Variants in ADAM22 observed in about 807,000 individuals in gnomAD.
The protein encoded by ADAM22 is ADAM metallopeptidase domain 22.
ADAM22 carries 65 observed loss-of-function variants against 144.6 expected under a neutral mutation model. The ratio of observed to expected loss-of-function variants is 0.45; its 90% confidence interval spans 0.37 to 0.55. ADAM22 has a LOEUF of 0.55. Ranked by LOEUF, ADAM22 falls within the 20% of genes least tolerant of loss-of-function variation. The pLI is 0.00. For missense variants in ADAM22, 974 were observed against 1,184.9 expected, an observed-to-expected ratio of 0.82 and a Z score of 2.61; for synonymous variants, 391 against 412.6, an observed-to-expected ratio of 0.95 and a Z score of 0.63.
rs533667651 is a variant in ADAM22, at chr7:88,131,352, A to G, written c.909A>G (p.Glu303=). The G allele has an allele frequency of 1.2e-6, 2 of 1,613,902 alleles. No individual in the cohort carries two copies. The highest frequency in any genetic ancestry group is 2.2e-5 in the East Asian group (1 of 44,848). The stretch of plus-strand genomic sequence containing the variant: ...CTGACAACAAGTTTGCCATATCTGA[A>G]AATCCATTGATCACCCTACGTGAGT... ...WATDNKFAIS[E]NPLITLREFM... The change falls in exon 11 of 32, where the codon GAA becomes GAG. Residue 303 remains glutamate, a synonymous_variant. Coordinates refer to ENST00000413139, the MANE Select transcript of ADAM22 (RefSeq NM_001324418.2).
intron 3 of ADAM22, among the ~76,000 whole-genome samples, chr7:88,073,409 G>T (rs745978225): frequency 1.9e-4 from 29 of 152,302 alleles, no homozygotes; most frequent in South Asian, 1.0e-3. Flanking sequence ...GCAGAAAGTT[G>T]TAAACACCCC....
intron 30 of ADAM22, among the ~76,000 whole-genome samples, chr7:88,189,500 G>A (rs756121893): frequency 1.4e-4 from 22 of 152,216 alleles, no homozygotes; most frequent in Admixed American, 3.9e-4. Context: ...GGTAGAAAGA[G>A]TAATTCAAGG....
At chr7:88,183,936 C>T (rs1384042575) in intron 29 of ADAM22, among the ~76,000 whole-genome samples, 1 of 151,796 alleles carries the variant, frequency 6.6e-6, no homozygotes, top group African/African-American at 2.4e-5. Flanking sequence ...ACTTTTAATA[C>T]TTTCCATATT....
chr7:88,003,413 G>T (rs549987798), intron 3 of ADAM22, among the ~76,000 whole-genome samples: 2 of 152,302 alleles, frequency 1.3e-5, no homozygotes, highest in Admixed American at 1.3e-4. Flanking sequence ...GAATCAAGAG[G>T]CTCAGTGGTG....
chr7:88,195,557 C>T (rs1216180671), intron 31 of ADAM22, among the ~76,000 whole-genome samples: 1 of 152,090 alleles, frequency 6.6e-6, no homozygotes, highest in Non-Finnish European at 1.5e-5. Context: ...GCTCAGTCGC[C>T]CAGGCTATAG....
intron 8 of ADAM22, 52 bp downstream of exon 8, chr7:88,125,711 C>T: frequency 7.1e-7 from 1 of 1,402,186 alleles, no homozygotes; most frequent in Non-Finnish European, 9.7e-7. Flanking sequence ...TGTCAACTGC[C>T]AGTCATTTGA....
At chr7:88,000,590 A>T (rs931697492) in intron 3 of ADAM22, among the ~76,000 whole-genome samples, 1 of 152,178 alleles carries the variant, frequency 6.6e-6, no homozygotes, top group African/African-American at 2.4e-5. Flanking sequence ...CACAAAGACA[A>T]TATTCTAGTT....
At chr7:88,184,884 C>T (rs1847927814) in intron 29 of ADAM22, among the ~76,000 whole-genome samples, 1 of 152,214 alleles carries the variant, frequency 6.6e-6, no homozygotes, top group Non-Finnish European at 1.5e-5. Flanking sequence ...TTGTAGCATT[C>T]ATGGAATAGC....
At chr7:87,950,057 A>G (rs1844661886) in intron 2 of ADAM22, among the ~76,000 whole-genome samples, 1 of 152,084 alleles carries the variant, frequency 6.6e-6, no homozygotes, top group Non-Finnish European at 1.5e-5. Context: ...CCAGTAGAGA[A>G]CAGGCACATT....
In ADAM22 at chr7:88,131,250, C is replaced by T; in HGVS notation, c.826-19C>T. 6.2e-7 allele frequency: 1 copy of T among 1,603,094 alleles called. No homozygotes were observed. The highest frequency in any genetic ancestry group is 8.5e-7 in the Non-Finnish European group (1 of 1,172,062). On this transcript the variant is annotated intron_variant, in intron 10 of 31. Coordinates refer to ENST00000413139, the MANE Select transcript of ADAM22 (RefSeq NM_001324418.2). ...TTACCACATGTACAGCTGATGTGTTCATTTTATTAATATACTAGATATATA... is the reference window on the plus strand; with the variant it reads ...TTACCACATGTACAGCTGATGTGTTTATTTTATTAATATACTAGATATATA...
At chr7:88,128,829 C>A (rs1206089843) in intron 9 of ADAM22, among the ~76,000 whole-genome samples, 153 bp downstream of exon 9, 1 of 151,990 alleles carries the variant, frequency 6.6e-6, no homozygotes, top group Non-Finnish European at 1.5e-5. Context: ...CAACAACCTG[C>A]AATTAGGAAA....
At chr7:88,163,321 T>C (rs1187207110) in intron 23 of ADAM22, 141 bp downstream of exon 23, 2 of 617,788 alleles carry the variant, frequency 3.2e-6, no homozygotes, top group African/African-American at 3.9e-5. Context: ...AATTCAATTA[T>C]AGTTATTTGA....
At chr7:87,950,342 T>C (rs569935287) in intron 2 of ADAM22, among the ~76,000 whole-genome samples, 1 of 136,292 alleles carries the variant, frequency 7.3e-6, no homozygotes, top group Non-Finnish European at 1.5e-5. Context: ...CCTGTGTCCA[T>C]GTATTCTCAT....
chr7:88,135,243 A>T (rs1832730155), intron 13 of ADAM22, among the ~76,000 whole-genome samples: 1 of 129,556 alleles, frequency 7.7e-6, no homozygotes, highest in African/African-American at 3.0e-5. Flanking sequence ...ACACCATTGC[A>T]CTTCAGCCTG....
chr7:88,179,315 G>T (rs1449932962), intron 27 of ADAM22, among the ~76,000 whole-genome samples, 186 bp downstream of exon 27: 1 of 151,814 alleles, frequency 6.6e-6, no homozygotes, highest in Non-Finnish European at 1.5e-5. Context: ...TTTCAGTCTT[G>T]CTTTATATGG....
rs1384901393 is a variant in ADAM22, at chr7:87,971,834, C to T, written c.247-6502C>T. Among the ~76,000 whole-genome samples the T allele has an allele frequency of 2.0e-5, 3 of 152,174 alleles. No individual in the cohort carries two copies. The East Asian group carries it at 5.8e-4, about 29-fold the overall frequency. On this transcript the variant is annotated intron_variant, in intron 2 of 31. Coordinates refer to ENST00000413139, the MANE Select transcript of ADAM22 (RefSeq NM_001324418.2). ...ACTTCAGTGGTGTTGAATAATAAGC[C>T]TGATAATATAGCAACTCAGTGTAGT... is the stretch of plus-strand genomic sequence containing the variant.
At chr7:88,171,705 A>G in intron 26 of ADAM22, 144 bp downstream of exon 26, 6 of 610,450 alleles carry the variant, frequency 9.8e-6, no homozygotes, top group African/African-American at 1.9e-5. Context: ...CATTATCTTG[A>G]GGTAATTTTA....
At chr7:88,070,572 A>G (rs1232052775) in intron 3 of ADAM22, among the ~76,000 whole-genome samples, 1 of 152,186 alleles carries the variant, frequency 6.6e-6, no homozygotes, top group African/African-American at 2.4e-5. Flanking sequence ...TTATGCAAGC[A>G]TCACTTCAGA....
At chr7:87,951,609 G>A (rs1845192404) in intron 2 of ADAM22, among the ~76,000 whole-genome samples, 1 of 79,392 alleles carries the variant, frequency 1.3e-5, no homozygotes. Flanking sequence ...TCTTAGGATT[G>A]ACTTGGCGAT....
Sources: gnomAD v4.1 joint callset for allele counts (sites outside exome capture counted in the v4.1 genomes callset) on GRCh38, gnomAD v4.1.1 for gene constraint, MANE v1.5 for transcripts, NCBI Gene and HGNC (gene_info 2026-07-23, HGNC 2026-07-21) for gene names.